MROH2A: variants seen among roughly 807,000 people sequenced by gnomAD.
MROH2A encodes maestro heat-like repeat-containing protein family member 2A.
A neutral mutation model predicts 200.4 loss-of-function variants in MROH2A; 174 were observed. The ratio of observed to expected loss-of-function variants is 0.87; its 90% confidence interval spans 0.77 to 0.98. MROH2A has a LOEUF of 0.98. Among genes scored for constraint, MROH2A ranks in the 50% least tolerant of loss-of-function variants. MROH2A has a pLI of 0.00. For synonymous variants in MROH2A, 829 were observed against 840.4 expected (o/e 0.99, Z 0.23); for missense variants, 2,045 against 2,139.6 (o/e 0.96, Z 0.87).
rs531431538 is a variant in MROH2A at position 233,789,695 on chromosome 2, G to T, written c.408+67G>T. On this transcript the variant is annotated intron_variant, in intron 4 of 41. Transcript: ENST00000389758. The stretch of plus-strand genomic sequence containing the variant: ...CAGGAGCTGGGCCACGGGGGGCCTG[G>T]CCCAGGATGCCCACAGCCCTGTGCA... 1.0e-4 allele frequency: 150 copies of T among 1,438,202 alleles called. No homozygotes were observed. The Middle Eastern group carries it at 6.8e-3, about 65-fold the overall frequency. The allele number at this position is 1,438,202 out of a possible 1,614,324, so 89.1% of individuals were successfully genotyped here.
intron 38 of MROH2A, among the ~76,000 whole-genome samples, chr2:233,830,590 AGATGGCCTGGGTGGCCCAGGTGG>A (rs1704660739): frequency 2.6e-5 from 4 of 152,030 alleles, no homozygotes; most frequent in Non-Finnish European, 4.4e-5. Flanking sequence ...CGGGTGGCCC[AGATGGCCTGGGTGGCCCAGGTGG>A]GATGGCCCAG....
In MROH2A at chr2:233,833,177, G is replaced by A. The variant is rs1208510626; in HGVS notation, c.4943G>A (p.Arg1648Lys). 5 of 1,550,118 alleles carry A rather than the reference G, an allele frequency of 3.2e-6. No individual in the cohort carries two copies. The highest frequency in any genetic ancestry group is 4.4e-6 in the Non-Finnish European group (5 of 1,146,864). The part of the protein sequence containing the change: ...ELQLDPDPGV[R>K]RAALETLTVL... ...CAGCTGGACCCGGATCCCGGGGTCA[G>A]GAGGGCAGCCCTGGAGACGCTCACA... The change falls in exon 42 of 42, where the codon AGG (arginine) becomes AAG (lysine). Residue 1648 changes from arginine to lysine, a missense_variant. Arg to Lys is a conservative substitution (Grantham distance 26). This residue lies in a region of MROH2A where 1,201 missense variants were observed against 1,311.3 expected (regional missense o/e 0.92). Transcript: ENST00000389758.
chr2:233,787,710 T>TATATATTATATATATAC (rs1464410636), intron 3 of MROH2A, among the ~76,000 whole-genome samples: 1 of 57,480 alleles, frequency 1.7e-5, no homozygotes, highest in East Asian at 8.0e-4. Context: ...CATATAAACA[T>TATATATTATATATATAC]ATATATTATA....
At chr2:233,819,255 G>C in intron 29 of MROH2A, 62 bp from the exon 30 acceptor site, 2 of 1,485,548 alleles carry the variant, frequency 1.3e-6, no homozygotes, top group Non-Finnish European at 1.8e-6. Context: ...CAGGGGAGGA[G>C]AGAGTGTCAG....
chr2:233,810,880 C>T lies in MROH2A; in HGVS notation c.2535C>T (p.His845=), dbSNP rs576708238. The change falls in exon 23 of 42, where the codon CAC becomes CAT. Residue 845 remains histidine, a synonymous_variant. Coordinates refer to ENST00000389758, the MANE Select transcript of MROH2A (RefSeq NM_001394639.1). ...ACATCAAGGACCTGGAGGACTTTCA[C>T]TTTGCCCAGAAGACGACTCTTACCA... ...INNIKDLEDF[H]FAQKTTLTSI... 58 of 1,550,448 alleles carry T rather than the reference C, an allele frequency of 3.7e-5. No homozygotes were observed. In the South Asian group the frequency reaches 6.7e-4, roughly 18 times the overall value.
At chr2:233,830,108 T>C (rs1326734801) in intron 38 of MROH2A, among the ~76,000 whole-genome samples, 1 of 152,204 alleles carries the variant, frequency 6.6e-6, no homozygotes, top group Admixed American at 6.5e-5. Context: ...TTTTGAGTAT[T>C]AGGACTCAAA....
At chr2:233,795,858 T>C in intron 9 of MROH2A, 109 bp from the exon 10 acceptor site, 1 of 1,539,978 alleles carries the variant, frequency 6.5e-7, no homozygotes, top group Admixed American at 2.0e-5. Flanking sequence ...TTTATCCTGA[T>C]GGGGTATGAG....
rs1702888707 is a variant in MROH2A at position 233,807,644 on chromosome 2, A to ATAT, written c.2173-88_2173-87insATT. On this transcript the variant is annotated intron_variant, in intron 20 of 41. Transcript: ENST00000389758. The surrounding 1 kb of genome is among the most constrained non-coding windows in gnomAD (Gnocchi z 4.3). ...ATGCGTTTTGTGTGTGTGTGTGTAC[A>ATAT]TGTGTGTGTGCCTTGCACGTGTGTG... 1 of 1,544,044 alleles carries ATAT rather than the reference A, an allele frequency of 6.5e-7. No individual in the cohort carries two copies. Among genetic ancestry groups the ATAT allele is most frequent in the Admixed American group, 2.0e-5 (1 of 50,856 alleles).
intron 5 of MROH2A, among the ~76,000 whole-genome samples, chr2:233,792,520 A>G (rs1052437352): frequency 7.2e-5 from 11 of 152,048 alleles, no homozygotes; most frequent in South Asian, 4.2e-4. Flanking sequence ...CAACCGTGTT[A>G]GCCAGGATGA....
chr2:233,803,409 C>A, intron 15 of MROH2A, 39 bp from the exon 16 acceptor site: 1 of 1,550,046 alleles, frequency 6.5e-7, no homozygotes, highest in Non-Finnish European at 8.7e-7. Context: ...CTGGTACAAG[C>A]CAGGAAGGCT....
intron 35 of MROH2A, among the ~76,000 whole-genome samples, chr2:233,824,762 G>A (rs905509228): frequency 7.2e-5 from 11 of 152,198 alleles, no homozygotes; most frequent in African/African-American, 2.7e-4. Context: ...GGAGGTAAGT[G>A]CTCATTAAAT....
chr2:233,830,907 G>T (rs1309627631), intron 38 of MROH2A, among the ~76,000 whole-genome samples: 1 of 152,194 alleles, frequency 6.6e-6, no homozygotes, highest in Non-Finnish European at 1.5e-5. Context: ...GGGGTGGGGG[G>T]GCTTCAGGGA....
chr2:233,812,409 G>A (rs1703218971), intron 24 of MROH2A, among the ~76,000 whole-genome samples: 1 of 152,152 alleles, frequency 6.6e-6, no homozygotes, highest in South Asian at 2.1e-4. Flanking sequence ...TGGTGGGGAG[G>A]GGGAAAGGGG....
intron 34 of MROH2A, 78 bp downstream of exon 34, chr2:233,823,096 G>A (rs1704058802): frequency 6.8e-7 from 1 of 1,475,028 alleles, no homozygotes; most frequent in Non-Finnish European, 9.2e-7. Context: ...TCCTTGTGAG[G>A]ACATGGTCCA....
rs1270999432 is a variant in MROH2A, at chr2:233,829,037, G to A, written c.4411G>A (p.Ala1471Thr). The A allele has an allele frequency of 1.2e-5, 19 of 1,547,080 alleles. No homozygotes were observed. The highest frequency in any genetic ancestry group is 4.8e-5 in the South Asian group (4 of 83,438). ...AGGGGATGTGGGGTCCTCTTTCGAC[G>A]CCATGTCTGAGCAGTGCAGGATCTT... Reference protein sequence around the residue: ...REGDVGSSFDAMSEQCRIFFD... With the variant: ...REGDVGSSFDTMSEQCRIFFD... The change falls in exon 37 of 42, where the codon GCC becomes ACC. Residue 1471 changes from alanine to threonine, a missense_variant. Around this residue, in one of 3 missense-constraint regions of MROH2A, gnomAD observed 1,201 missense variants for 1,311.3 expected, o/e 0.92. Coordinates refer to ENST00000389758, the MANE Select transcript of MROH2A (RefSeq NM_001394639.1).
chr2:233,819,519 G>GT (rs1210869421), intron 30 of MROH2A, 50 bp downstream of exon 30: 1 of 1,531,582 alleles, frequency 6.5e-7, no homozygotes, highest in Non-Finnish European at 8.8e-7. Flanking sequence ...GGGCTGCCTG[G>GT]TGTGCCCAGA....
chr2:233,801,968 C>G (rs1199086630), intron 14 of MROH2A, among the ~76,000 whole-genome samples, 200 bp from the exon 15 acceptor site: 2 of 152,148 alleles, frequency 1.3e-5, no homozygotes, highest in Non-Finnish European at 2.9e-5. Context: ...GACTCTCTTG[C>G]CACATCAGGG....
intron 5 of MROH2A, 80 bp downstream of exon 5, chr2:233,790,094 A>G (rs1002971080): frequency 1.3e-4 from 170 of 1,271,730 alleles, no homozygotes; most frequent in Middle Eastern, 2.6e-4. Context: ...ATCTATCCCT[A>G]TGTTCACCTC....
chr2:233,820,026 C>A lies in MROH2A; in HGVS notation c.3482C>A (p.Ser1161Ter). The A allele has an allele frequency of 6.5e-7, 1 of 1,542,368 alleles. No individual in the cohort carries two copies. The highest frequency in any genetic ancestry group is 1.4e-5 in the African/African-American group (1 of 72,972). The change falls in exon 31 of 42, where the codon TCG becomes TAG. Residue 1161 changes from serine (S) to a stop codon, truncating the protein, a stop_gained. Coordinates refer to ENST00000389758, the MANE Select transcript of MROH2A (RefSeq NM_001394639.1). LOFTEE classifies it high-confidence loss of function. This position sits in a 1 kb window ranked among gnomAD's most constrained non-coding sequence, Gnocchi z 4.1. ...AHHHQETILT[S>*]LLRQPLPMES... Reference sequence around the variant, plus strand: ...CACCACCAGGAGACCATCCTCACATCGCTCCTGAGGCAGCCACTGCCCATG... The same window carrying A: ...CACCACCAGGAGACCATCCTCACATAGCTCCTGAGGCAGCCACTGCCCATG...
Sources: allele counts gnomAD v4.1 joint callset (sites outside exome capture counted in the v4.1 genomes callset), GRCh38; gene constraint gnomAD v4.1.1; regional missense constraint gnomAD v4.1.1; non-coding constraint Gnocchi (gnomAD v3.1); transcripts MANE v1.5; gene names NCBI Gene and HGNC (gene_info 2026-07-23, HGNC 2026-07-21).